The following RBFOX1 variants were observed in gnomAD, a reference collection of about 807,000 sequenced individuals.
The protein encoded by RBFOX1 is RNA binding fox-1 homolog 1, also known as RNA binding protein fox-1 homolog 1.
RBFOX1 carries 8 observed loss-of-function variants against 57.7 expected under a neutral mutation model. The observed-to-expected ratio is 0.14, with a 90% CI of 0.08 to 0.25. The LOEUF (loss-of-function observed/expected upper bound fraction) is 0.25. RBFOX1 is among the 10% of genes least tolerant of loss of function. RBFOX1 has a pLI of 1.00. For synonymous variants in RBFOX1, 326 were observed against 222.4 expected, an observed-to-expected ratio of 1.47 and a Z score of -4.15; for missense variants, 611 against 548.5, an observed-to-expected ratio of 1.11 and a Z score of -1.14.
chr16:5,692,292 A>C (rs2050712342), intron 3 of RBFOX1, among the ~76,000 whole-genome samples: 1 of 151,988 alleles, frequency 6.6e-6, no homozygotes, highest in Non-Finnish European at 1.5e-5. Context: ...TTGTGAGAAA[A>C]CACTGTGGAA....
intron 4 of RBFOX1, among the ~76,000 whole-genome samples, chr16:7,217,868 ACGCGTGTGTG>A (rs2092345593): frequency 6.6e-6 from 1 of 151,840 alleles, no homozygotes; most frequent in Non-Finnish European, 1.5e-5. Context: ...ATGTGTGTAC[ACGCGTGTGTG>A]CATGTGTGTG....
At chr16:5,256,779 C>G (rs1162907489) in intron 1 of RBFOX1, among the ~76,000 whole-genome samples, 18 of 151,864 alleles carry the variant, frequency 1.2e-4, no homozygotes, top group Admixed American at 1.2e-3. Context: ...TCTAAAAGTA[C>G]AAAAATTAGC....
chr16:6,717,944 G>A (rs57547721), intron 3 of RBFOX1, among the ~76,000 whole-genome samples: 1 of 152,184 alleles, frequency 6.6e-6, no homozygotes, highest in Middle Eastern at 3.2e-3. Context: ...ATAGTGGTCA[G>A]TGGCTTCACA....
At chr16:7,531,637 G>T (rs1024451340) in intron 5 of RBFOX1, among the ~76,000 whole-genome samples, 15 of 152,250 alleles carry the variant, frequency 9.9e-5, no homozygotes, top group Middle Eastern at 3.4e-3. Context: ...TCAAGAAATA[G>T]GTGTGATCAT....
chr16:7,196,195 C>G (rs1424506490), intron 4 of RBFOX1, among the ~76,000 whole-genome samples: 1 of 152,124 alleles, frequency 6.6e-6, no homozygotes, highest in South Asian at 2.1e-4. Flanking sequence ...TCAGTATGTT[C>G]CATAGTCAGA....
chr16:5,693,767 G>A (rs745321012), intron 3 of RBFOX1, among the ~76,000 whole-genome samples: 12 of 152,226 alleles, frequency 7.9e-5, no homozygotes, highest in South Asian at 2.1e-4. Context: ...TTCTTTTTGC[G>A]TGGAATTCCT....
chr16:7,500,937 T>A (rs1209863068), intron 4 of RBFOX1, among the ~76,000 whole-genome samples: 2 of 152,166 alleles, frequency 1.3e-5, no homozygotes, highest in Non-Finnish European at 2.9e-5. Flanking sequence ...TGAGATCTGA[T>A]GGGTTTATAT....
chr16:6,044,219 C>T (rs562994035), intron 1 of RBFOX1, among the ~76,000 whole-genome samples: 3 of 152,270 alleles, frequency 2.0e-5, no homozygotes, highest in East Asian at 3.9e-4. Context: ...TCTTTCAAAG[C>T]GTGGGACTTA....
chr16:6,115,028 G>C (rs61229241), intron 1 of RBFOX1, among the ~76,000 whole-genome samples: 4 of 152,122 alleles, frequency 2.6e-5, no homozygotes, highest in African/African-American at 7.3e-5. Context: ...AGGAACAGTA[G>C]CTTCCAGGTT....
chr16:7,150,646 C>T (rs1237873478), intron 4 of RBFOX1, among the ~76,000 whole-genome samples: 5 of 152,142 alleles, frequency 3.3e-5, no homozygotes, highest in African/African-American at 1.2e-4. Flanking sequence ...CTGCTGTCTC[C>T]TCCAGGAAGA....
chr16:6,046,035 A>T (rs1413442379), intron 1 of RBFOX1, among the ~76,000 whole-genome samples: 1 of 152,142 alleles, frequency 6.6e-6, no homozygotes, highest in African/African-American at 2.4e-5. Context: ...GAGGATAAGG[A>T]CTTTGAGTGC....
intron 1 of RBFOX1, among the ~76,000 whole-genome samples, chr16:6,073,089 A>T (rs968835733): frequency 6.6e-6 from 1 of 152,206 alleles, no homozygotes; most frequent in African/African-American, 2.4e-5. Context: ...ATTTGCATCT[A>T]ATGAATTTCT....
intron 2 of RBFOX1, among the ~76,000 whole-genome samples, chr16:6,620,000 G>C (rs2098203671): frequency 6.6e-6 from 1 of 152,084 alleles, no homozygotes; most frequent in African/African-American, 2.4e-5. Flanking sequence ...AAGTGTAATG[G>C]CCTCCACTTC....
intron 4 of RBFOX1, among the ~76,000 whole-genome samples, chr16:5,987,713 C>T (rs1392148576): frequency 6.6e-6 from 1 of 152,164 alleles, no homozygotes; most frequent in African/African-American, 2.4e-5. Flanking sequence ...GGCCCCATCT[C>T]CAGCTCTCTT....
chr16:5,455,858 T>C (rs1038311378), intron 1 of RBFOX1, among the ~76,000 whole-genome samples: 1 of 152,148 alleles, frequency 6.6e-6, no homozygotes, highest in Non-Finnish European at 1.5e-5. Flanking sequence ...GTGATTGGTG[T>C]TGGAACATTA....
intron 4 of RBFOX1, among the ~76,000 whole-genome samples, chr16:5,883,070 A>G (rs982218035): frequency 6.6e-6 from 1 of 152,168 alleles, no homozygotes; most frequent in African/African-American, 2.4e-5. Flanking sequence ...CAGCCAGTTT[A>G]TTGGCACAGG....
At chr16:6,392,903 T>A (rs2092668497) in intron 2 of RBFOX1, among the ~76,000 whole-genome samples, 1 of 152,226 alleles carries the variant, frequency 6.6e-6, no homozygotes, top group South Asian at 2.1e-4. Flanking sequence ...AGATGAAGGA[T>A]AAACCATATG....
At chr16:7,518,040 C>G (rs2076749777) in intron 4 of RBFOX1, 107 bp from the exon 5 acceptor site, 1 of 1,403,338 alleles carries the variant, frequency 7.1e-7, no homozygotes, top group Non-Finnish European at 9.7e-7. Flanking sequence ...CATGGTGACC[C>G]CTAGAAAGTA....
At chr16:5,379,266 A>C (rs1207651921) in intron 1 of RBFOX1, among the ~76,000 whole-genome samples, 2 of 151,494 alleles carry the variant, frequency 1.3e-5, no homozygotes, top group Non-Finnish European at 2.9e-5. Flanking sequence ...TTCATTTTCA[A>C]TTCATTTTTA....
Sources: gnomAD v4.1 joint callset for allele counts (sites outside exome capture counted in the v4.1 genomes callset) on GRCh38, gnomAD v4.1.1 for gene constraint, MANE v1.5 for transcripts, NCBI Gene and HGNC (gene_info 2026-07-23, HGNC 2026-07-21) for gene names.